Variants in CNTN6 observed in about 807,000 individuals in gnomAD.
The protein encoded by CNTN6 is contactin-6.
A neutral mutation model predicts 122.8 loss-of-function variants in CNTN6; 137 were observed. That is an observed-to-expected ratio of 1.12 (90% CI 0.97 to 1.29). CNTN6 has a LOEUF of 1.29. Ranked by LOEUF, CNTN6 falls within the 50% of genes most tolerant of loss-of-function variation. The pLI, the probability that CNTN6 is intolerant of heterozygous loss-of-function variation, is 0.00. For synonymous variants in CNTN6, 570 were observed against 426.0 expected (o/e 1.34, Z -4.16); for missense variants, 1,634 against 1,223.4 (o/e 1.34, Z -5.01).
chr3:1,208,336 T>G (rs986668912), intron 2 of CNTN6, among the ~76,000 whole-genome samples: 10 of 151,910 alleles, frequency 6.6e-5, no homozygotes, highest in Admixed American at 2.6e-4. Context: ...TATATTCTTT[T>G]GAATGACAGG....
chr3:1,335,434 A>C (rs1363290676), intron 11 of CNTN6, among the ~76,000 whole-genome samples: 1 of 152,178 alleles, frequency 6.6e-6, no homozygotes, highest in African/African-American at 2.4e-5. Flanking sequence ...AAGTTTGATT[A>C]ATCACTTCTT....
intron 2 of CNTN6, among the ~76,000 whole-genome samples, chr3:1,184,089 A>G (rs780814140): frequency 6.6e-6 from 1 of 152,152 alleles, no homozygotes; most frequent in Non-Finnish European, 1.5e-5. Flanking sequence ...CTCTCACAAG[A>G]TGGAAGGTAT....
At chr3:1,358,282 C>T (rs1706908609) in intron 12 of CNTN6, among the ~76,000 whole-genome samples, 1 of 151,796 alleles carries the variant, frequency 6.6e-6, no homozygotes, top group South Asian at 2.1e-4. Context: ...CTTTAGTTTC[C>T]TGCCCAAACC....
chr3:1,375,465 G>T (rs2126150490), intron 16 of CNTN6, among the ~76,000 whole-genome samples: 1 of 152,126 alleles, frequency 6.6e-6, no homozygotes, highest in African/African-American at 2.4e-5. Flanking sequence ...ATGGTTTTAG[G>T]CTTAAGTACA....
chr3:1,233,601 G>C lies in CNTN6; in HGVS notation c.358+5608G>C, dbSNP rs187460086. ...ATACAAAAAATTAGCCGGGTGTGGT[G>C]GTGTGCACCTGTAATCCCAGCTACT... On this transcript the variant is annotated intron_variant, in intron 4 of 22. Transcript: ENST00000446702. 2.6e-3 allele frequency among the ~76,000 whole-genome samples: 395 copies of C among 151,754 alleles called. 1 individual carries two copies. The highest frequency in any genetic ancestry group is 8.9e-3 in the African/African-American group (367 of 41,362).
intron 5 of CNTN6, among the ~76,000 whole-genome samples, chr3:1,283,026 G>A (rs1693737513): frequency 6.6e-6 from 1 of 152,092 alleles, no homozygotes; most frequent in African/African-American, 2.4e-5. Flanking sequence ...AGGCTGGAGT[G>A]CAGAGGTGCC....
chr3:1,324,000 G>C (rs1701209337), intron 8 of CNTN6, among the ~76,000 whole-genome samples: 1 of 144,748 alleles, frequency 6.9e-6, no homozygotes, highest in Non-Finnish European at 1.5e-5. Context: ...ATTTTCCCAG[G>C]TCAGACATAT....
intron 4 of CNTN6, among the ~76,000 whole-genome samples, chr3:1,242,563 G>C (rs992303385): frequency 6.6e-6 from 1 of 152,158 alleles, no homozygotes; most frequent in Admixed American, 6.6e-5. Context: ...GGCGTTGAGC[G>C]GGGTAAGGGT....
At chr3:1,330,801 A>G (rs1251331165) in intron 11 of CNTN6, among the ~76,000 whole-genome samples, 1 of 151,902 alleles carries the variant, frequency 6.6e-6, no homozygotes, top group Non-Finnish European at 1.5e-5. Flanking sequence ...TTAAAAAATG[A>G]CAGTTGTTAC....
At chr3:1,154,789 G>C (rs903959152) in intron 2 of CNTN6, among the ~76,000 whole-genome samples, 1 of 152,144 alleles carries the variant, frequency 6.6e-6, no homozygotes, top group Non-Finnish European at 1.5e-5. Context: ...AACTCCAGAT[G>C]CTTAAAATCA....
intron 2 of CNTN6, among the ~76,000 whole-genome samples, chr3:1,174,278 T>C (rs1403850911): frequency 6.6e-6 from 1 of 152,190 alleles, no homozygotes; most frequent in Non-Finnish European, 1.5e-5. Flanking sequence ...AACAAATTTG[T>C]ACATCTCTTC....
At chr3:1,308,890 G>A (rs1050630206) in intron 7 of CNTN6, among the ~76,000 whole-genome samples, 3 of 152,100 alleles carry the variant, frequency 2.0e-5, no homozygotes, top group Non-Finnish European at 4.4e-5. Flanking sequence ...GGCAAAGGAT[G>A]TGAACATCTT....
chr3:1,157,804 T>C (rs901344669), intron 2 of CNTN6, among the ~76,000 whole-genome samples: 3 of 152,166 alleles, frequency 2.0e-5, no homozygotes, highest in African/African-American at 4.8e-5. Flanking sequence ...GTTCCATCCA[T>C]GTTGTTTCAA....
At chr3:1,289,105 T>C (rs1694850549) in intron 5 of CNTN6, among the ~76,000 whole-genome samples, 2 of 152,180 alleles carry the variant, frequency 1.3e-5, no homozygotes, top group African/African-American at 2.4e-5. Flanking sequence ...GGTTTCAACC[T>C]AAATGGCTCA....
chr3:1,143,348 G>A (rs775782301), intron 1 of CNTN6, among the ~76,000 whole-genome samples: 10 of 151,934 alleles, frequency 6.6e-5, no homozygotes, highest in Admixed American at 5.9e-4. Flanking sequence ...CACTGCTCTG[G>A]GCCAAATTAT....
chr3:1,307,218 C>G (rs2125912646), intron 7 of CNTN6, among the ~76,000 whole-genome samples: 1 of 152,290 alleles, frequency 6.6e-6, no homozygotes, highest in South Asian at 2.1e-4. Context: ...AGGATCCTCA[C>G]TTTGGGAGCT....
chr3:1,190,058 C>G (rs1397436488), intron 2 of CNTN6, among the ~76,000 whole-genome samples: 1 of 152,268 alleles, frequency 6.6e-6, no homozygotes, highest in Non-Finnish European at 1.5e-5. Flanking sequence ...AGTTTGAGAC[C>G]AGGGTGCCAA....
intron 7 of CNTN6, among the ~76,000 whole-genome samples, chr3:1,318,874 G>A (rs1700472233): frequency 6.6e-6 from 1 of 151,706 alleles, no homozygotes; most frequent in African/African-American, 2.4e-5. Flanking sequence ...AACATGTACT[G>A]GCTCTTAAGG....
chr3:1,225,081 T>C (rs2094262731), intron 3 of CNTN6, among the ~76,000 whole-genome samples: 3 of 152,140 alleles, frequency 2.0e-5, no homozygotes, highest in Non-Finnish European at 4.4e-5. Flanking sequence ...CTGAACTACT[T>C]AAAAGTGAAG....
Sources: gnomAD v4.1 joint callset for allele counts (sites outside exome capture counted in the v4.1 genomes callset) on GRCh38, gnomAD v4.1.1 for gene constraint, MANE v1.5 for transcripts, NCBI Gene and HGNC (gene_info 2026-07-23, HGNC 2026-07-21) for gene names.